The following COG3 variants were observed in gnomAD, a reference collection of about 807,000 sequenced individuals.
COG3 encodes component of oligomeric golgi complex 3.
Under a neutral mutation model 114.1 loss-of-function variants are expected in COG3, and 32 were observed. That is an observed-to-expected ratio of 0.28 (90% CI 0.21 to 0.38). The LOEUF (loss-of-function observed/expected upper bound fraction) is 0.38. COG3 is among the 10% of genes least tolerant of loss of function. The pLI, the probability that COG3 is intolerant of heterozygous loss-of-function variation, is 1.00. For synonymous variants in COG3, 352 were observed against 365.7 expected (o/e 0.96, Z 0.43); for missense variants, 813 against 973.2 (o/e 0.84, Z 2.19).
intron 20 of COG3, among the ~76,000 whole-genome samples, chr13:45,527,175 C>A (rs564397961): frequency 1.3e-5 from 2 of 152,142 alleles, no homozygotes; most frequent in African/African-American, 4.8e-5. Context: ...CAAGTGGAAC[C>A]CTAATAGGAT....
chr13:45,514,013 A>G (rs1477607935), intron 16 of COG3, among the ~76,000 whole-genome samples: 1 of 152,124 alleles, frequency 6.6e-6, no homozygotes, highest in Non-Finnish European at 1.5e-5. Context: ...TTAGGTGACT[A>G]TGGATGATTT....
chr13:45,521,927 T>A (rs1378495883), intron 19 of COG3, among the ~76,000 whole-genome samples: 1 of 151,936 alleles, frequency 6.6e-6, no homozygotes, highest in East Asian at 1.9e-4. Context: ...CTCTGCCTCC[T>A]GAGTAGCTGA....
chr13:45,469,821 AATTAT>A (rs1233796105), intron 1 of COG3, among the ~76,000 whole-genome samples: 1 of 152,164 alleles, frequency 6.6e-6, no homozygotes, highest in East Asian at 1.9e-4. Context: ...GATTAAAAAC[AATTAT>A]ATTCATATAT....
intron 3 of COG3, 117 bp from the exon 4 acceptor site, chr13:45,480,008 A>T: frequency 1.3e-6 from 1 of 743,596 alleles, no homozygotes; most frequent in East Asian, 2.5e-5. Flanking sequence ...TTATGTGCAT[A>T]GGCAGTTTTC....
intron 1 of COG3, 177 bp downstream of exon 1, chr13:45,465,387 C>A: frequency 9.2e-7 from 1 of 1,083,216 alleles, no homozygotes; most frequent in Non-Finnish European, 1.3e-6. Flanking sequence ...CTTCGCTCTG[C>A]CTGCGACCCC....
intron 16 of COG3, 174 bp downstream of exon 16, chr13:45,512,028 CTG>C (rs1870918935): frequency 5.1e-6 from 3 of 591,008 alleles, no homozygotes; most frequent in Admixed American, 2.8e-5. Flanking sequence ...TAAATAAAGA[CTG>C]TACTATATAA....
chr13:45,486,712 T>G, intron 8 of COG3, 137 bp downstream of exon 8: 1 of 661,790 alleles, frequency 1.5e-6, no homozygotes, highest in Non-Finnish European at 2.7e-6. Flanking sequence ...CCTTCCACAT[T>G]ATAGCAGTGT....
At chr13:45,468,479 A>G (rs562583635) in intron 1 of COG3, among the ~76,000 whole-genome samples, 1 of 152,306 alleles carries the variant, frequency 6.6e-6, no homozygotes, top group South Asian at 2.1e-4. Flanking sequence ...GCCTTGAGGA[A>G]GGTTCTGAGA....
At chr13:45,482,862 C>T (rs1398067065) in intron 6 of COG3, among the ~76,000 whole-genome samples, 1 of 152,130 alleles carries the variant, frequency 6.6e-6, no homozygotes, top group South Asian at 2.1e-4. Flanking sequence ...AAGGGACAAG[C>T]CCTTTGATTT....
Position 45,493,401 on chromosome 13 carries a change from C to A in COG3, c.1242C>A (p.Ile414=). ...VSLYDVFRPL[I]IHVIHLETLS... ...TGTATGATGTCTTCAGGCCATTGAT[C>A]ATTCATGTTATTCACTTAGAGACTC... The change falls in exon 12 of 23, where the codon ATC becomes ATA. Residue 414 remains isoleucine (I), a synonymous_variant. Transcript: ENST00000349995. The A allele has an allele frequency of 6.2e-7, 1 of 1,613,080 alleles. No individual in the cohort carries two copies. The highest frequency in any genetic ancestry group is 1.1e-5 in the South Asian group (1 of 91,018).
chr13:45,486,325 C>CGGGAGACGGGAGA (rs1457387356), intron 7 of COG3, among the ~76,000 whole-genome samples, 170 bp from the exon 8 acceptor site: 323 of 27,924 alleles, frequency 0.012, 9 homozygotes, highest in Non-Finnish European at 0.019. Flanking sequence ...AGACGGGAGA[C>CGGGAGACGGGAGA]GGGAGACGGG....
In COG3 at chr13:45,493,497, A is replaced by C; in HGVS notation, c.1327+11A>C. ...ATGTGCAGAACAATGGTAAATGAGT[A>C]GAAATGATCATTTTAAGTTATATCA... On this transcript the variant is annotated intron_variant, in intron 12 of 22. Transcript: ENST00000349995. 3 of 1,607,088 alleles carry C rather than the reference A, an allele frequency of 1.9e-6. No homozygotes were observed. The highest frequency in any genetic ancestry group is 2.5e-6 in the Non-Finnish European group (3 of 1,176,512).
intron 19 of COG3, among the ~76,000 whole-genome samples, chr13:45,522,671 C>T (rs1286740304): frequency 6.6e-6 from 1 of 152,178 alleles, no homozygotes; most frequent in African/African-American, 2.4e-5. Context: ...TCTGTTGCCT[C>T]ATTTCCTGCC....
intron 14 of COG3, among the ~76,000 whole-genome samples, chr13:45,507,686 C>G (rs1169892115): frequency 1.4e-5 from 2 of 147,266 alleles, no homozygotes; most frequent in African/African-American, 5.0e-5. Context: ...AATTGCTTGA[C>G]CCCAATAGGC....
chr13:45,522,182 GTCTT>G (rs1872233558), intron 19 of COG3, among the ~76,000 whole-genome samples: 1 of 152,222 alleles, frequency 6.6e-6, no homozygotes, highest in East Asian at 1.9e-4. Context: ...AGATGGGAAA[GTCTT>G]TCATCTCATT....
intron 14 of COG3, among the ~76,000 whole-genome samples, chr13:45,505,934 C>A (rs772958606): frequency 4.6e-5 from 7 of 151,962 alleles, no homozygotes; most frequent in Non-Finnish European, 1.0e-4. Context: ...CTGGTTCTGT[C>A]GGGCAGGATG....
At chr13:45,505,872 G>T (rs923764343) in intron 14 of COG3, among the ~76,000 whole-genome samples, 2 of 152,116 alleles carry the variant, frequency 1.3e-5, no homozygotes, top group Non-Finnish European at 2.9e-5. Context: ...TAGAATTACA[G>T]ATGTGAGCCA....
At chr13:45,478,387 G>T (rs1593681210) in intron 2 of COG3, among the ~76,000 whole-genome samples, 1 of 151,740 alleles carries the variant, frequency 6.6e-6, no homozygotes, top group East Asian at 1.9e-4. Flanking sequence ...CACCGTGTTA[G>T]CCAGGATGGT....
chr13:45,476,494 G>A (rs1277430378), intron 2 of COG3, 147 bp downstream of exon 2: 2 of 804,300 alleles, frequency 2.5e-6, no homozygotes, highest in East Asian at 2.7e-5. Flanking sequence ...TGCATTAGTT[G>A]TGGCTGTTTA....
Sources: allele counts gnomAD v4.1 joint callset (sites outside exome capture counted in the v4.1 genomes callset), GRCh38; gene constraint gnomAD v4.1.1; transcripts MANE v1.5; gene names NCBI Gene and HGNC (gene_info 2026-07-23, HGNC 2026-07-21).